ASCC2: variants seen among roughly 807,000 people sequenced by gnomAD.
ASCC2 encodes activating signal cointegrator 1 complex subunit 2, also known as ASC-1 complex subunit P100.
Under a neutral mutation model 93.5 loss-of-function variants are expected in ASCC2, and 42 were observed. That is an observed-to-expected ratio of 0.45 (90% confidence interval 0.35 to 0.58). ASCC2 has a LOEUF of 0.58. Ranked by LOEUF, ASCC2 falls within the 20% of genes least tolerant of loss-of-function variation. The pLI is 0.00. For missense variants in ASCC2, 859 were observed against 977.6 expected, an observed-to-expected ratio of 0.88 and a Z score of 1.62; for synonymous variants, 364 against 384.2, an observed-to-expected ratio of 0.95 and a Z score of 0.62.
intron 18 of ASCC2, 50 bp from the exon 19 acceptor site, chr22:29,790,598 T>C: frequency 6.3e-7 from 1 of 1,581,592 alleles, no homozygotes; most frequent in Non-Finnish European, 8.7e-7. Context: ...TGCCACATTT[T>C]CCTAAGCGGC....
chr22:29,825,523 G>A lies in ASCC2; in HGVS notation c.240+99C>T, dbSNP rs2062184063. On this transcript the variant is annotated intron_variant, in intron 3 of 19. Transcript: ENST00000307790. The surrounding 1 kb of genome is among the most constrained non-coding windows in gnomAD (Gnocchi z 4.9). ...TGTTAAGGATCCAGTGAAAGAAGTA[G>A]ACAAAAAAGCACCTCCTAGGGGAAG... 1 of 1,532,482 alleles carries A rather than the reference G, an allele frequency of 6.5e-7. No individual in the cohort carries two copies. Among genetic ancestry groups the A allele is most frequent in the African/African-American group, 1.4e-5 (1 of 72,988 alleles). 94.9% of individuals were successfully genotyped at this position (1,532,482 alleles called of 1,614,324 possible). A position where few individuals can be genotyped will look rare whatever the true frequency, so the allele number is the denominator to read the frequency against.
Position 29,838,203 on chromosome 22 carries a change from T to TGCCGCCGCCGCCGCC in ASCC2, c.-58_-44dup, listed in dbSNP as rs3838960. On this transcript the variant is annotated 5_prime_UTR_variant, in exon 1 of 20. Transcript: ENST00000307790. Reference sequence around the variant, plus strand: ...CTCGGCGGCTCCACCACCGGCTCTGTGCCGCCGCCGCCGCCGCCGCCGCCG... The same window carrying TGCCGCCGCCGCCGCC: ...CTCGGCGGCTCCACCACCGGCTCTGTGCCGCCGCCGCCGCCGCCGCCGCCGCCGCCGCCGCCGCCG... 0.044 allele frequency: 19,973 copies of TGCCGCCGCCGCCGCC among 457,000 alleles called. 2,382 individuals are homozygous for TGCCGCCGCCGCCGCC. The highest frequency in any genetic ancestry group is 0.082 in the East Asian group (1,205 of 14,720). The allele number at this position is 457,000 out of a possible 1,614,324, so 28.3% of individuals were successfully genotyped here.
In ASCC2 at chr22:29,813,445, T is replaced by C. The variant is rs142626631; in HGVS notation, c.818A>G (p.His273Arg). ...FPLACQTFQK[H>R]DFCYRLASFY... ...ACCGCCTTACCTGTAACAAAAGTCG[T>C]GCTTCTGGAAGGTCTGGCAAGCCAA... The change falls in exon 8 of 20, where the codon CAC becomes CGC. Residue 273 changes from histidine to arginine, a missense_variant. Physicochemically the swap from His to Arg is conservative, Grantham distance 29. Transcript: ENST00000307790. 259 of 1,612,328 alleles carry C rather than the reference T, an allele frequency of 1.6e-4. 1 individual carries two copies. The African/African-American group carries it at 2.9e-3, about 18-fold the overall frequency.
intron 5 of ASCC2, among the ~76,000 whole-genome samples, chr22:29,819,638 T>A (rs2061322465): frequency 1.3e-5 from 2 of 152,160 alleles, no homozygotes; most frequent in Admixed American, 1.3e-4. Context: ...GCCTGTCTTC[T>A]TAGCCACCAA....
chr22:29,788,862 A>T lies in ASCC2; in HGVS notation c.*151T>A. On this transcript the variant is annotated 3_prime_UTR_variant, in exon 20 of 20. Coordinates refer to ENST00000307790, the MANE Select transcript of ASCC2 (RefSeq NM_032204.5). ...AGGAAGGCGCTCATGGCTGGCTGGTAGATGAGAGGCGGCCTTCTCAGGGGC... is the reference window on the plus strand; with the variant it reads ...AGGAAGGCGCTCATGGCTGGCTGGTTGATGAGAGGCGGCCTTCTCAGGGGC... The T allele has an allele frequency of 1.1e-6, 1 of 887,742 alleles. No homozygotes were observed. 55.0% of individuals were successfully genotyped at this position (887,742 alleles called of 1,614,324 possible).
chr22:29,827,855 TGA>T (rs1491233248), intron 2 of ASCC2, among the ~76,000 whole-genome samples: 2 of 81,604 alleles, frequency 2.5e-5, no homozygotes, highest in African/African-American at 8.2e-5. Flanking sequence ...CTCATTCTCC[TGA>T]CACACACACA....
rs1471401002 is a variant in ASCC2, at chr22:29,806,489, TCTC to T, written c.1078_1080del (p.Glu360del). On this transcript the variant is annotated inframe_deletion, in exon 11 of 20. Coordinates refer to ENST00000307790, the MANE Select transcript of ASCC2 (RefSeq NM_032204.5). ...GGCCAGCTCAGCCACACTCACCTCT[TCTC>T]CTGCAGCAAGGAGCTGAAGATCTGA... 6.2e-7 allele frequency: 1 copy of T among 1,613,842 alleles called. No homozygotes were observed. Among genetic ancestry groups the T allele is most frequent in the South Asian group, 1.1e-5 (1 of 91,008 alleles).
intron 4 of ASCC2, among the ~76,000 whole-genome samples, chr22:29,824,622 G>A (rs904975672): frequency 6.6e-6 from 1 of 151,972 alleles, no homozygotes; most frequent in African/African-American, 2.4e-5. Context: ...CTCAAAAAAA[G>A]CAAAGAAAGA....
At chr22:29,800,374 T>C (rs569882354) in intron 15 of ASCC2, among the ~76,000 whole-genome samples, 1 of 152,220 alleles carries the variant, frequency 6.6e-6, no homozygotes, top group African/African-American at 2.4e-5. Flanking sequence ...TTTGATGAGT[T>C]GATTAATGCA....
chr22:29,826,548 C>T (rs1402085450), intron 2 of ASCC2, among the ~76,000 whole-genome samples: 4 of 152,080 alleles, frequency 2.6e-5, no homozygotes, highest in African/African-American at 9.7e-5. Context: ...TGGGCTCAAG[C>T]CATCCGCCTG....
At chr22:29,835,699 G>C (rs1010586235) in intron 1 of ASCC2, among the ~76,000 whole-genome samples, 2 of 152,094 alleles carry the variant, frequency 1.3e-5, no homozygotes, top group Non-Finnish European at 2.9e-5. Flanking sequence ...CCAATACCTG[G>C]CACATAATAA....
At chr22:29,801,748 C>T (rs770426882) in intron 14 of ASCC2, among the ~76,000 whole-genome samples, 1 of 152,174 alleles carries the variant, frequency 6.6e-6, no homozygotes, top group East Asian at 1.9e-4. Flanking sequence ...ACATCCATGG[C>T]GCTCTAATCA....
At chr22:29,796,593 C>G (rs2058471224) in intron 15 of ASCC2, among the ~76,000 whole-genome samples, 1 of 152,080 alleles carries the variant, frequency 6.6e-6, no homozygotes, top group African/African-American at 2.4e-5. Flanking sequence ...TGATTTAGAC[C>G]AGGGAGAAAT....
At chr22:29,838,056 G>A (rs2301402) in intron 1 of ASCC2, 122 bp downstream of exon 1, 118,350 of 414,938 alleles carry the variant, frequency 0.29, 20,255 homozygotes, top group Non-Finnish European at 0.38. Flanking sequence ...CCCTCAGGTA[G>A]CGTAAGCGTG....
chr22:29,792,508 TC>T lies in ASCC2; in HGVS notation c.1946del (p.Arg649LysfsTer37). 1 of 1,614,040 alleles carries T rather than the reference TC, an allele frequency of 6.2e-7. No homozygotes were observed. Among genetic ancestry groups the T allele is most frequent in the Non-Finnish European group, 8.5e-7 (1 of 1,179,948 alleles). ...CCTGCCCTTCTCTAGGCACTTTGGTTCTCAGCACCTGAGGGATGGTGAATGG... is the reference window on the plus strand; with the variant it reads ...CCTGCCCTTCTCTAGGCACTTTGGTTTCAGCACCTGAGGGATGGTGAATGG... ...RRPFTIPQVLRTKVPREGQEE... is the reference protein window; with the variant it reads ...RRPFTIPQVLXTKVPREGQEE... On this transcript the variant is annotated frameshift_variant, in exon 18 of 20. Coordinates refer to ENST00000307790, the MANE Select transcript of ASCC2 (RefSeq NM_032204.5). LOFTEE classifies it high-confidence loss of function.
intron 15 of ASCC2, among the ~76,000 whole-genome samples, chr22:29,794,695 C>A (rs1405859371): frequency 6.6e-6 from 1 of 152,210 alleles, no homozygotes; most frequent in Non-Finnish European, 1.5e-5. Context: ...AACTGTGCCA[C>A]ATCTGTATTA....
intron 5 of ASCC2, among the ~76,000 whole-genome samples, chr22:29,817,841 T>C (rs2061046093): frequency 6.6e-6 from 1 of 152,154 alleles, no homozygotes; most frequent in Admixed American, 6.5e-5. Context: ...TGGCATCCTT[T>C]GAAATGTCCC....
At chr22:29,804,196 C>T (rs944824213) in intron 13 of ASCC2, among the ~76,000 whole-genome samples, 1 of 152,156 alleles carries the variant, frequency 6.6e-6, no homozygotes, top group Non-Finnish European at 1.5e-5. Context: ...AGAGAAGGCA[C>T]CAGATCCGAG....
In ASCC2 at chr22:29,825,068, C is replaced by T; in HGVS notation, c.411+19G>A. The stretch of plus-strand genomic sequence containing the variant: ...TGTCGAGTATCGGGTGATGACCTGT[C>T]ATGGGATCAGTGGCTTACTTTGGAT... On this transcript the variant is annotated intron_variant, in intron 4 of 19. Coordinates refer to ENST00000307790, the MANE Select transcript of ASCC2 (RefSeq NM_032204.5). This position sits in a 1 kb window ranked among gnomAD's most constrained non-coding sequence, Gnocchi z 4.9. The T allele has an allele frequency of 6.9e-7, 1 of 1,443,056 alleles. No homozygotes were observed. The highest frequency in any genetic ancestry group is 9.2e-7 in the Non-Finnish European group (1 of 1,088,702). The allele number at this position is 1,443,056 out of a possible 1,614,324, so 89.4% of individuals were successfully genotyped here. A position where few individuals can be genotyped will look rare whatever the true frequency, so the allele number is the denominator to read the frequency against.
Sources: gnomAD v4.1 joint callset for allele counts (sites outside exome capture counted in the v4.1 genomes callset) on GRCh38, gnomAD v4.1.1 for gene constraint, Gnocchi (gnomAD v3.1) non-coding constraint, MANE v1.5 for transcripts, NCBI Gene and HGNC (gene_info 2026-07-23, HGNC 2026-07-21) for gene names.